The following ZSCAN21 variants were observed in gnomAD, a reference collection of about 807,000 sequenced individuals.
ZSCAN21 encodes the protein zinc finger and SCAN domain containing 21, also known as zinc finger and SCAN domain-containing protein 21.
A neutral mutation model predicts 35.6 loss-of-function variants in ZSCAN21; 26 were observed. The ratio of observed to expected loss-of-function variants is 0.73; its 90% CI spans 0.54 to 1.01. The LOEUF is 1.01. Among genes scored for constraint, ZSCAN21 ranks in the 50% least tolerant of loss-of-function variants. The probability of loss-of-function intolerance (pLI) is 0.00; values close to 1 mark genes in which losing one functional copy is unlikely to be tolerated. For missense variants in ZSCAN21, 593 were observed against 587.1 expected (o/e 1.01, Z -0.10); for synonymous variants, 219 against 219.3 (o/e 1.00, Z 0.01).
chr7:100,059,796 G>A (rs370848992), intron 3 of ZSCAN21, among the ~76,000 whole-genome samples: 5 of 152,178 alleles, frequency 3.3e-5, no homozygotes, highest in African/African-American at 4.8e-5. Context: ...CGCAACCTCC[G>A]CATTCCAGTT....
chr7:100,064,095 T>G lies in ZSCAN21; in HGVS notation c.900T>G (p.Thr300=), dbSNP rs745786600. ...SNLTKHRRTH[T]GEKPYVCTKC... is the part of the protein sequence containing the mutation. ...TCACCAAACACAGGAGAACACACAC[T>G]GGGGAGAAACCTTACGTGTGCACCA... The change falls in exon 4 of 4, where the codon ACT becomes ACG. Residue 300 remains threonine (T), a synonymous_variant. Coordinates refer to ENST00000292450, the MANE Select transcript of ZSCAN21 (RefSeq NM_145914.3). 1 of 1,614,126 alleles carries G rather than the reference T, an allele frequency of 6.2e-7. No individual in the cohort carries two copies. The highest frequency in any genetic ancestry group is 8.5e-7 in the Non-Finnish European group (1 of 1,180,034).
intron 3 of ZSCAN21, among the ~76,000 whole-genome samples, chr7:100,062,058 G>C (rs1417037789): frequency 6.6e-6 from 1 of 152,158 alleles, no homozygotes; most frequent in Non-Finnish European, 1.5e-5. Context: ...AGCCCTCTTG[G>C]AGATCACGTG....
At chr7:100,050,226 G>A (rs1212831497) in intron 1 of ZSCAN21, among the ~76,000 whole-genome samples, 1 of 152,006 alleles carries the variant, frequency 6.6e-6, no homozygotes, top group Admixed American at 6.6e-5. Context: ...ATGGCAATAC[G>A]CCCAAGGTGT....
In ZSCAN21 at chr7:100,057,386, T is replaced by C. The variant is rs377416067; in HGVS notation, c.380T>C (p.Leu127Pro). 6 of 1,559,116 alleles carry C rather than the reference T, an allele frequency of 3.8e-6. No individual in the cohort carries two copies. Among genetic ancestry groups the C allele is most frequent in the Non-Finnish European group, 5.2e-6 (6 of 1,154,608 alleles). ...VTLLEDLERE[L>P]DEPGHQVSTP... ...CTCCTCGAAGATCTGGAGCGGGAAC[T>C]GGATGAGCCAGGACACCAGGTAGGC... Residue 127 changes from leucine to proline, a missense_variant, in exon 2 of 4, where the codon CTG becomes CCG. Leu to Pro is a moderately conservative substitution (Grantham distance 98). Transcript: ENST00000292450.
At position 100,057,140 on chromosome 7, in the gene ZSCAN21, G is replaced by T. The variant is rs200464385; in HGVS notation, c.134G>T (p.Arg45Leu). ...GKYLPSLEMF[R>L]QRFRQFGYHD... is the part of the protein sequence containing the mutation. ...TACCTTCCTAGCCTGGAGATGTTCCGCCAGCGCTTCAGGCAGTTTGGGTAC... is the reference window on the plus strand; with the variant it reads ...TACCTTCCTAGCCTGGAGATGTTCCTCCAGCGCTTCAGGCAGTTTGGGTAC... Residue 45 changes from arginine (R) to leucine (L), a missense_variant, in exon 2 of 4, where the codon CGC becomes CTC. Physicochemically the swap from Arg to Leu is moderately radical, Grantham distance 102. Transcript: ENST00000292450. 3.0e-5 allele frequency: 49 copies of T among 1,613,936 alleles called. No individual in the cohort carries two copies. The highest frequency in any genetic ancestry group is 8.3e-5 in the Admixed American group (5 of 59,994).
Position 100,057,786 on chromosome 7 carries a change from C to A in ZSCAN21, c.488C>A (p.Pro163Gln), listed in dbSNP as rs367875927. The A allele has an allele frequency of 6.8e-6, 11 of 1,613,986 alleles. No homozygotes were observed. Among genetic ancestry groups the A allele is most frequent in the Non-Finnish European group, 9.3e-6 (11 of 1,180,024 alleles). The change falls in exon 3 of 4, where the codon CCA becomes CAA. Residue 163 changes from proline to glutamine, a missense_variant. Physicochemically the swap from Pro to Gln is moderately conservative, Grantham distance 76. Transcript: ENST00000292450. ...AAGGAATCCCCGAGCAGCATGCAGC[C>A]ACAGCCCTTGGAGACCAGTCACAAA... ...TAKESPSSMQ[P>Q]QPLETSHKYE...
At chr7:100,060,422 C>T (rs970631238) in intron 3 of ZSCAN21, among the ~76,000 whole-genome samples, 9 of 152,130 alleles carry the variant, frequency 5.9e-5, no homozygotes, top group African/African-American at 2.2e-4. Context: ...ATTAGTTGGG[C>T]GTGGTGGCAT....
At chr7:100,052,041 G>C (rs1184057902) in intron 1 of ZSCAN21, among the ~76,000 whole-genome samples, 1 of 152,062 alleles carries the variant, frequency 6.6e-6, no homozygotes, top group Non-Finnish European at 1.5e-5. Flanking sequence ...TTATGCCTCA[G>C]CCTGGGCAAC....
At position 100,063,919 on chromosome 7, in the gene ZSCAN21, G is replaced by C. The variant is rs186501023; in HGVS notation, c.724G>C (p.Val242Leu). The change falls in exon 4 of 4, where the codon GTA becomes CTA. Residue 242 changes from valine to leucine, a missense_variant. Transcript: ENST00000292450. Reference protein sequence around the residue: ...KPEASLERQCVNLENEKGTKP... With the variant: ...KPEASLERQCLNLENEKGTKP... ...TGAGGCCAGCTTAGAGAGGCAGTGC[G>C]TAAACCTTGAAAATGAAAAAGGAAC... The C allele has an allele frequency of 1.2e-6, 2 of 1,614,132 alleles. No homozygotes were observed. Among genetic ancestry groups the C allele is most frequent in the Admixed American group, 1.7e-5 (1 of 60,006 alleles).
Position 100,056,950 on chromosome 7 carries a change from A to C in ZSCAN21, c.-57A>C. ...CCTAAAGAACTGGAAACCCAAAGGA[A>C]CGAATATTCCTGCCCCACAGAGTCC... On this transcript the variant is annotated 5_prime_UTR_variant, in exon 2 of 4. Transcript: ENST00000292450. The C allele has an allele frequency of 6.7e-7, 1 of 1,489,902 alleles. No individual in the cohort carries two copies. The highest frequency in any genetic ancestry group is 9.0e-7 in the Non-Finnish European group (1 of 1,116,494). 92.3% of individuals were successfully genotyped at this position (1,489,902 alleles called of 1,614,324 possible). A position where few individuals can be genotyped will look rare whatever the true frequency, so the allele number is the denominator to read the frequency against.
In ZSCAN21 at chr7:100,057,108, A is replaced by G; in HGVS notation, c.102A>G (p.Lys34=). Reference sequence around the variant, plus strand: ...TAAAAGTCGAGGAGAAAGAAGAGAAAGGCAAGTACCTTCCTAGCCTGGAGA... The same window carrying G: ...TAAAAGTCGAGGAGAAAGAAGAGAAGGGCAAGTACCTTCCTAGCCTGGAGA... ...LMVKVEEKEE[K]GKYLPSLEMF... The change falls in exon 2 of 4, where the codon AAA becomes AAG. Residue 34 remains lysine, a synonymous_variant. Coordinates refer to ENST00000292450, the MANE Select transcript of ZSCAN21 (RefSeq NM_145914.3). The G allele has an allele frequency of 6.2e-7, 1 of 1,614,146 alleles. No individual in the cohort carries two copies. The highest frequency in any genetic ancestry group is 8.5e-7 in the Non-Finnish European group (1 of 1,180,024).
chr7:100,057,117 C>G lies in ZSCAN21; in HGVS notation c.111C>G (p.Tyr37Ter), dbSNP rs1163982039. 1 of 1,614,140 alleles carries G rather than the reference C, an allele frequency of 6.2e-7. No homozygotes were observed. Among genetic ancestry groups the G allele is most frequent in the Non-Finnish European group, 8.5e-7 (1 of 1,180,040 alleles). The change falls in exon 2 of 4, where the codon TAC (tyrosine) becomes TAG (stop). Residue 37 changes from tyrosine (Y) to a stop codon, truncating the protein, a stop_gained. Coordinates refer to ENST00000292450, the MANE Select transcript of ZSCAN21 (RefSeq NM_145914.3). LOFTEE classifies it high-confidence loss of function. Reference sequence around the variant, plus strand: ...AGGAGAAAGAAGAGAAAGGCAAGTACCTTCCTAGCCTGGAGATGTTCCGCC... The same window carrying G: ...AGGAGAAAGAAGAGAAAGGCAAGTAGCTTCCTAGCCTGGAGATGTTCCGCC... ...KVEEKEEKGK[Y>*]LPSLEMFRQR...
chr7:100,063,969 C>A lies in ZSCAN21; in HGVS notation c.774C>A (p.Gly258=). 1 of 1,614,148 alleles carries A rather than the reference C, an allele frequency of 6.2e-7. No homozygotes were observed. The highest frequency in any genetic ancestry group is 8.5e-7 in the Non-Finnish European group (1 of 1,180,008). Residue 258 remains glycine, a synonymous_variant, in exon 4 of 4, where the codon GGC becomes GGA. Coordinates refer to ENST00000292450, the MANE Select transcript of ZSCAN21 (RefSeq NM_145914.3). ...KGTKPPLQEA[G]SKKGRESVPT... ...CAAAACCCCCTCTTCAAGAGGCAGG[C>A]TCCAAGAAAGGTAGAGAATCAGTTC...
At chr7:100,057,477 C>T in intron 2 of ZSCAN21, 72 bp downstream of exon 2, 3 of 1,486,684 alleles carry the variant, frequency 2.0e-6, no homozygotes, top group Middle Eastern at 1.8e-4. Flanking sequence ...AAGGGTTTGT[C>T]CATACATTAA....
At chr7:100,060,400 A>G (rs1438945477) in intron 3 of ZSCAN21, among the ~76,000 whole-genome samples, 1 of 152,070 alleles carries the variant, frequency 6.6e-6, no homozygotes, top group East Asian at 1.9e-4. Flanking sequence ...CATCTCTACT[A>G]AAAATACAAA....
chr7:100,056,739 T>C lies in ZSCAN21; in HGVS notation c.-96-172T>C, dbSNP rs145421931. 1.0e-3 allele frequency among the ~76,000 whole-genome samples: 157 copies of C among 152,300 alleles called. 1 individual carries two copies. The highest frequency in any genetic ancestry group is 3.5e-3 in the African/African-American group (145 of 41,558). ...TCAGCCTCCCAAAGTGCTGGAATTATAGGCATGAGCCACTGTACCCAGCTC... is the reference window on the plus strand; with the variant it reads ...TCAGCCTCCCAAAGTGCTGGAATTACAGGCATGAGCCACTGTACCCAGCTC... On this transcript the variant is annotated intron_variant, in intron 1 of 3. Coordinates refer to ENST00000292450, the MANE Select transcript of ZSCAN21 (RefSeq NM_145914.3).
At chr7:100,063,435 TA>T (rs955947613) in intron 3 of ZSCAN21, among the ~76,000 whole-genome samples, 36 of 150,448 alleles carry the variant, frequency 2.4e-4, no homozygotes, top group African/African-American at 7.6e-4. Flanking sequence ...CCATCTCTAC[TA>T]AAAAAAAATA....
intron 3 of ZSCAN21, among the ~76,000 whole-genome samples, chr7:100,062,907 G>T (rs1442952342): frequency 6.6e-6 from 1 of 152,094 alleles, no homozygotes; most frequent in Non-Finnish European, 1.5e-5. Context: ...TTTTTTTAAA[G>T]ATAGGGTCTC....
In ZSCAN21 at chr7:100,064,788, T is replaced by G. The variant is rs779717016; in HGVS notation, c.*171T>G. The G allele has an allele frequency of 1.5e-5, 24 of 1,613,994 alleles. No individual in the cohort carries two copies. Among genetic ancestry groups the G allele is most frequent in the Non-Finnish European group, 2.0e-5 (24 of 1,180,026 alleles). ...CAGCAACATGGCAGGCAGGAGGTCC[T>G]CAGAAGGTGTCAGGAGGTTCCACAC... On this transcript the variant is annotated 3_prime_UTR_variant, in exon 4 of 4. Coordinates refer to ENST00000292450, the MANE Select transcript of ZSCAN21 (RefSeq NM_145914.3).
Sources: allele counts gnomAD v4.1 joint callset (sites outside exome capture counted in the v4.1 genomes callset), GRCh38; gene constraint gnomAD v4.1.1; transcripts MANE v1.5; gene names NCBI Gene and HGNC (gene_info 2026-07-23, HGNC 2026-07-21).